The following TDRD1 variants were observed in gnomAD, a reference collection of about 807,000 sequenced individuals.
The protein encoded by TDRD1 is tudor domain-containing protein 1.
A neutral mutation model predicts 140.6 loss-of-function variants in TDRD1; 37 were observed. The observed-to-expected ratio is 0.26, with a 90% CI of 0.20 to 0.35. TDRD1 has a LOEUF of 0.35. Among genes scored for constraint, TDRD1 ranks in the 10% least tolerant of loss-of-function variants. The pLI is 1.00. For synonymous variants in TDRD1, 506 were observed against 475.7 expected (o/e 1.06, Z -0.83); for missense variants, 1,243 against 1,393.0 (o/e 0.89, Z 1.71).
intron 21 of TDRD1, among the ~76,000 whole-genome samples, chr10:114,224,335 T>C (rs1332623742): frequency 6.6e-6 from 1 of 152,236 alleles, no homozygotes; most frequent in Non-Finnish European, 1.5e-5. Flanking sequence ...TTTCCGCCTT[T>C]CTGGAACTGT....
intron 3 of TDRD1, among the ~76,000 whole-genome samples, chr10:114,198,630 GCAGAGCAGGTTTTAAATTTTTTCTTTT>G (rs2034527229): frequency 6.6e-6 from 1 of 152,174 alleles, no homozygotes; most frequent in African/African-American, 2.4e-5. Context: ...CCTTTGGCTA[GCAGAGCAGGTTTTAAATTTTTTCTTTT>G]AAATGATGAG....
At chr10:114,204,328 A>C (rs1475481268) in intron 9 of TDRD1, 112 bp downstream of exon 9, 1 of 1,186,536 alleles carries the variant, frequency 8.4e-7, no homozygotes, top group Non-Finnish European at 1.1e-6. Context: ...CTGTACCTGT[A>C]CTATGTAAAT....
chr10:114,200,526 A>G (rs2034658718), intron 4 of TDRD1, among the ~76,000 whole-genome samples: 1 of 152,134 alleles, frequency 6.6e-6, no homozygotes. Flanking sequence ...CACGATACAC[A>G]GCCATTTCAG....
intron 9 of TDRD1, 23 bp downstream of exon 9, chr10:114,204,239 A>AT: frequency 1.3e-6 from 2 of 1,569,740 alleles, no homozygotes; most frequent in Admixed American, 2.2e-5. Context: ...TACTTTCTAG[A>AT]TTTTTAATAG....
intron 3 of TDRD1, among the ~76,000 whole-genome samples, chr10:114,198,331 C>T (rs970546866): frequency 6.6e-6 from 1 of 152,210 alleles, no homozygotes; most frequent in Non-Finnish European, 1.5e-5. Flanking sequence ...GGTGGCACCT[C>T]ATTGTTGCCA....
At chr10:114,215,814 G>A (rs1239228442) in intron 16 of TDRD1, among the ~76,000 whole-genome samples, 3 of 152,028 alleles carry the variant, frequency 2.0e-5, no homozygotes, top group Admixed American at 1.3e-4. Flanking sequence ...ATGAAAACAT[G>A]TTTCAAAAGT....
At chr10:114,213,983 T>G in exon 16 of TDRD1, 1 of 1,613,800 alleles carries the variant, frequency 6.2e-7, no homozygotes, top group Non-Finnish European at 8.5e-7. Context: ...ACAGTTCCCT[T>G]GGGTGTGGAA....
At position 114,202,985 on chromosome 10, in the gene TDRD1, T is replaced by G. The variant is rs2034860134; in HGVS notation, c.697-87T>G. 9.6e-6 allele frequency: 8 copies of G among 836,518 alleles called. No individual in the cohort carries two copies. In the South Asian group the frequency reaches 1.1e-4, roughly 12 times the overall value. The allele number at this position is 836,518 out of a possible 1,614,324, so 51.8% of individuals were successfully genotyped here. On this transcript the variant is annotated intron_variant, in intron 6 of 25. Coordinates refer to ENST00000251864, the Ensembl canonical transcript of TDRD1. ...TTCAAGCCTAAGAGTTAGGATATTG[T>G]GACTGCAGTTCCGACGTGTAGTGGC...
At chr10:114,219,913 C>T (rs2036041185) in intron 18 of TDRD1, among the ~76,000 whole-genome samples, 1 of 152,062 alleles carries the variant, frequency 6.6e-6, no homozygotes, top group Non-Finnish European at 1.5e-5. Context: ...TCTTAATTAC[C>T]ATATTTTATT....
chr10:114,228,566 T>G, intron 25 of TDRD1: 1 of 990,764 alleles, frequency 1.0e-6, no homozygotes, highest in Non-Finnish European at 1.2e-6. Flanking sequence ...GGAAAGTGGA[T>G]CTAAAGGGCC....
chr10:114,211,921 A>G (rs1253617685), exon 14 of TDRD1: 2 of 1,610,608 alleles, frequency 1.2e-6, no homozygotes, highest in African/African-American at 2.7e-5. Flanking sequence ...AAGAATCTGT[A>G]CTGGTCGGAT....
rs552286500 is a variant in TDRD1 at position 114,206,410 on chromosome 10, T to G, written c.1384+80T>G. 3.3e-5 allele frequency: 36 copies of G among 1,106,170 alleles called. 1 individual carries two copies. The South Asian group carries it at 4.0e-4, about 12-fold the overall frequency. The allele number at this position is 1,106,170 out of a possible 1,614,324, so 68.5% of individuals were successfully genotyped here. The stretch of plus-strand genomic sequence containing the variant: ...TACCTACTAAACAAAGGCACAACTT[T>G]AGCACTGTTAAGACTTGTTAACGAT... On this transcript the variant is annotated intron_variant, in intron 11 of 25. Transcript: ENST00000251864.
upstream of TDRD1, among the ~76,000 whole-genome samples, chr10:114,175,795 A>C (rs1212053020): frequency 6.6e-6 from 1 of 152,118 alleles, no homozygotes; most frequent in African/African-American, 2.4e-5. Context: ...AATAACAGCA[A>C]CTGGTTGAGA....
intron 6 of TDRD1, among the ~76,000 whole-genome samples, chr10:114,202,526 C>G (rs2034821670): frequency 6.6e-6 from 1 of 152,078 alleles, no homozygotes; most frequent in Admixed American, 6.5e-5. Context: ...GTGGATTAAT[C>G]ATGCCTCTGA....
Position 114,192,421 on chromosome 10 carries a change from C to T in TDRD1, c.384+1402C>T, listed in dbSNP as rs2034047880. 2.0e-5 allele frequency among the ~76,000 whole-genome samples: 3 copies of T among 149,328 alleles called. No individual in the cohort carries two copies. In the South Asian group the frequency reaches 6.4e-4, roughly 32 times the overall value. On this transcript the variant is annotated intron_variant, in intron 3 of 25. Transcript: ENST00000251864. ...TGGGTTTACGCCATTTCTCCTGCCT[C>T]AGCCTCCCGAGTAGCTGGGACTACA...
chr10:114,212,809 G>A (rs748183548), intron 14 of TDRD1, among the ~76,000 whole-genome samples: 1 of 152,080 alleles, frequency 6.6e-6, no homozygotes, highest in Non-Finnish European at 1.5e-5. Context: ...CTACCATAAT[G>A]TTCACTTTAG....
chr10:114,206,120 A>T, intron 10 of TDRD1, 124 bp from the exon 11 acceptor site: 5 of 726,974 alleles, frequency 6.9e-6, no homozygotes, highest in Non-Finnish European at 1.1e-5. Flanking sequence ...TTGGCAAAAC[A>T]TATACCAACC....
In TDRD1 at chr10:114,230,839, A is replaced by G. The variant is rs1021265739; in HGVS notation, c.3539-647A>G. 2.6e-5 allele frequency among the ~76,000 whole-genome samples: 4 copies of G among 152,058 alleles called. No individual in the cohort carries two copies. The East Asian group carries it at 5.8e-4, about 22-fold the overall frequency. ...GCACTTTTGGGAGGCTGAGGAGGGC[A>G]GGTCACATGAGGCCCAGGAGTTTGA... On this transcript the variant is annotated intron_variant, in intron 25 of 25. Coordinates refer to ENST00000251864, the Ensembl canonical transcript of TDRD1.
chr10:114,225,662 C>G (rs184681384), intron 21 of TDRD1, among the ~76,000 whole-genome samples: 1 of 151,954 alleles, frequency 6.6e-6, no homozygotes, highest in African/African-American at 2.4e-5. Context: ...GAGTTCAAGA[C>G]CAGCCTTGGC....
Sources: gnomAD v4.1 joint callset for allele counts (sites outside exome capture counted in the v4.1 genomes callset) on GRCh38, gnomAD v4.1.1 for gene constraint, MANE v1.5 for transcripts, NCBI Gene and HGNC (gene_info 2026-07-23, HGNC 2026-07-21) for gene names.